Variants in RPTOR observed in about 807,000 individuals in gnomAD.
The protein encoded by RPTOR is regulatory associated protein of MTOR complex 1, also known as regulatory-associated protein of mTOR.
A neutral mutation model predicts 169.9 loss-of-function variants in RPTOR; 21 were observed. The observed-to-expected ratio is 0.12, with a 90% CI of 0.09 to 0.18. RPTOR has a LOEUF of 0.18. Among genes scored for constraint, RPTOR ranks in the 10% least tolerant of loss-of-function variants. The pLI is 1.00. For missense variants in RPTOR, 1,133 were observed against 1,855.9 expected, an observed-to-expected ratio of 0.61 and a Z score of 7.16; for synonymous variants, 732 against 753.2, an observed-to-expected ratio of 0.97 and a Z score of 0.46.
At chr17:80,627,624 C>T (rs1228931271) in intron 2 of RPTOR, among the ~76,000 whole-genome samples, 5 of 152,114 alleles carry the variant, frequency 3.3e-5, no homozygotes, top group South Asian at 2.1e-4. Context: ...TGTGTAGCTA[C>T]GTGCATTAGT....
chr17:80,604,674 A>G (rs914734766), intron 1 of RPTOR, among the ~76,000 whole-genome samples: 2 of 152,212 alleles, frequency 1.3e-5, no homozygotes, highest in African/African-American at 4.8e-5. Flanking sequence ...GAGGCCTCAC[A>G]ATCATGGCAG....
intron 3 of RPTOR, among the ~76,000 whole-genome samples, chr17:80,697,077 A>C (rs1353054249): frequency 1.3e-5 from 2 of 152,120 alleles, no homozygotes; most frequent in Non-Finnish European, 2.9e-5. Flanking sequence ...CTTGTCCAGC[A>C]TCCAAGCAGA....
intron 7 of RPTOR, chr17:80,802,372 T>A (rs767844040): frequency 1.3e-5 from 2 of 152,132 alleles, no homozygotes; most frequent in Non-Finnish European, 2.9e-5. Context: ...GGCAGGCGGA[T>A]CATGAGGTCA....
chr17:80,548,798 A>G (rs543700260), intron 1 of RPTOR, among the ~76,000 whole-genome samples: 3 of 152,150 alleles, frequency 2.0e-5, no homozygotes, highest in Non-Finnish European at 4.4e-5. Flanking sequence ...TTGTAAAGTG[A>G]AATGTGTGGG....
At chr17:80,902,977 G>A (rs2068495349) in intron 20 of RPTOR, among the ~76,000 whole-genome samples, 1 of 152,246 alleles carries the variant, frequency 6.6e-6, no homozygotes, top group Non-Finnish European at 1.5e-5. Context: ...GCCTCATCCC[G>A]AGAGCGCTGG....
chr17:80,586,107 C>A (rs12944929), intron 1 of RPTOR, among the ~76,000 whole-genome samples: 28,620 of 151,892 alleles, frequency 0.19, 3,004 homozygotes, highest in East Asian at 0.28. Flanking sequence ...CAGGATGTTG[C>A]GAGTCTGTGA....
At chr17:80,937,786 C>A (rs1421514993) in intron 24 of RPTOR, among the ~76,000 whole-genome samples, 4 of 152,222 alleles carry the variant, frequency 2.6e-5, no homozygotes, top group African/African-American at 9.7e-5. Flanking sequence ...GCGGTCACAT[C>A]CTAGTTTCCC....
At chr17:80,727,481 C>T (rs537124110) in intron 4 of RPTOR, among the ~76,000 whole-genome samples, 7 of 151,824 alleles carry the variant, frequency 4.6e-5, no homozygotes, top group African/African-American at 1.7e-4. Context: ...AACGTGGACG[C>T]TGCACCTCTG....
intron 2 of RPTOR, among the ~76,000 whole-genome samples, chr17:80,626,884 C>T (rs939515062): frequency 2.6e-5 from 4 of 151,924 alleles, no homozygotes; most frequent in Admixed American, 6.6e-5. Context: ...CAAGCATCCT[C>T]ACTGTCCATC....
At chr17:80,789,841 T>C (rs534027396) in intron 6 of RPTOR, among the ~76,000 whole-genome samples, 1 of 152,224 alleles carries the variant, frequency 6.6e-6, no homozygotes, top group Non-Finnish European at 1.5e-5. Flanking sequence ...TTCAAATGGC[T>C]TTTTAATATT....
chr17:80,880,777 T>A (rs1320951995), intron 14 of RPTOR, among the ~76,000 whole-genome samples: 2 of 152,202 alleles, frequency 1.3e-5, no homozygotes, highest in Non-Finnish European at 2.9e-5. Context: ...GGGACTTCTT[T>A]GCAAAATAGT....
chr17:80,709,147 G>C, intron 4 of RPTOR: 2 of 926,008 alleles, frequency 2.2e-6, no homozygotes, highest in Non-Finnish European at 2.6e-6. Flanking sequence ...AGGGCACAGG[G>C]CAGTGCCATC....
intron 4 of RPTOR, among the ~76,000 whole-genome samples, chr17:80,711,150 C>G (rs1240851417): frequency 6.6e-6 from 1 of 152,136 alleles, no homozygotes; most frequent in Non-Finnish European, 1.5e-5. Flanking sequence ...AGAAACTCAC[C>G]AGTATCGGGG....
intron 6 of RPTOR, among the ~76,000 whole-genome samples, chr17:80,759,613 A>G (rs1275485372): frequency 6.6e-6 from 1 of 152,078 alleles, no homozygotes; most frequent in East Asian, 1.9e-4. Context: ...GTAATGGACT[A>G]TATTCATTAA....
At chr17:80,697,044 C>T (rs2066043082) in intron 3 of RPTOR, among the ~76,000 whole-genome samples, 1 of 152,174 alleles carries the variant, frequency 6.6e-6, no homozygotes, top group Non-Finnish European at 1.5e-5. Flanking sequence ...TTTCTGGTAC[C>T]AGCACTTGGT....
At chr17:80,942,493 A>G (rs1039136640) in intron 25 of RPTOR, among the ~76,000 whole-genome samples, 3 of 151,906 alleles carry the variant, frequency 2.0e-5, no homozygotes, top group Non-Finnish European at 4.4e-5. Flanking sequence ...GACACCACCA[A>G]ATGAGGCCTC....
intron 11 of RPTOR, among the ~76,000 whole-genome samples, chr17:80,846,864 G>A (rs905362364): frequency 6.6e-6 from 1 of 152,230 alleles, no homozygotes; most frequent in East Asian, 1.9e-4. Context: ...TGGGACTGGG[G>A]AGTCATCAGC....
intron 3 of RPTOR, among the ~76,000 whole-genome samples, chr17:80,690,577 T>C (rs979477263): frequency 2.6e-5 from 4 of 151,840 alleles, no homozygotes; most frequent in Non-Finnish European, 5.9e-5. Context: ...TCTCCCCCCT[T>C]GCCCTGGGTG....
At chr17:80,761,270 T>G (rs1033627132) in intron 6 of RPTOR, among the ~76,000 whole-genome samples, 4 of 152,220 alleles carry the variant, frequency 2.6e-5, no homozygotes, top group Non-Finnish European at 5.9e-5. Flanking sequence ...TAAAACAGAT[T>G]GATGTCTATT....
Sources: allele counts gnomAD v4.1 joint callset (sites outside exome capture counted in the v4.1 genomes callset), GRCh38; gene constraint gnomAD v4.1.1; transcripts MANE v1.5; gene names NCBI Gene and HGNC (gene_info 2026-07-23, HGNC 2026-07-21).